The following SCAP variants were observed in gnomAD, a reference collection of about 807,000 sequenced individuals.
The protein encoded by SCAP is SREBF chaperone.
Under a neutral mutation model 123.6 loss-of-function variants are expected in SCAP, and 65 were observed. That is an observed-to-expected ratio of 0.53 (90% CI 0.43 to 0.65). SCAP has a LOEUF of 0.65. Among genes scored for constraint, SCAP ranks in the 30% least tolerant of loss-of-function variants. The pLI, the probability that SCAP is intolerant of heterozygous loss-of-function variation, is 0.00. For missense variants in SCAP, 1,398 were observed against 1,712.5 expected (o/e 0.82, Z 3.24); for synonymous variants, 740 against 726.3 (o/e 1.02, Z -0.30).
chr3:47,442,916 G>A lies in SCAP; in HGVS notation c.78C>T (p.Pro26=), dbSNP rs962070423. The A allele has an allele frequency of 5.0e-6, 8 of 1,614,034 alleles. No homozygotes were observed. In the Admixed American group the frequency reaches 8.3e-5, roughly 17 times the overall value. ...YNHGLLCASY[P]IPIILFTGFC... ...ACCCTGTGAAGAGGATGATGGGGATGGGATAGGATGCACAGAGGAGCCCAT... is the reference window on the plus strand; with the variant it reads ...ACCCTGTGAAGAGGATGATGGGGATAGGATAGGATGCACAGAGGAGCCCAT... Residue 26 remains proline (P), a synonymous_variant, in exon 2 of 23, where the codon CCC becomes CCT. Coordinates refer to ENST00000265565, the MANE Select transcript of SCAP (RefSeq NM_012235.4).
chr3:47,428,585 T>C lies in SCAP; in HGVS notation c.338A>G (p.Asp113Gly). ...FPWHKNLLAV[D>G]VFRSPLSRAF... ...CCGGGACAAAGGTGAACGAAATACA[T>C]CTACTGCCAGGAGGTTCTTGTGCCA... is the stretch of plus-strand genomic sequence containing the variant. The change falls in exon 4 of 23, where the codon GAT (aspartate) becomes GGT (glycine). Residue 113 changes from aspartate (D) to glycine (G), a missense_variant. Asp to Gly is a moderately conservative substitution (Grantham distance 94, BLOSUM62 -1). This residue lies in a region of SCAP where 319 missense variants were observed against 432.4 expected (regional missense o/e 0.74). Transcript: ENST00000265565. 2 of 1,614,078 alleles carry C rather than the reference T, an allele frequency of 1.2e-6. No individual in the cohort carries two copies. Among genetic ancestry groups the C allele is most frequent in the Non-Finnish European group, 1.7e-6 (2 of 1,180,010 alleles).
Position 47,442,998 on chromosome 3 carries a change from A to G in SCAP, c.-5T>C. The G allele has an allele frequency of 6.2e-7, 1 of 1,613,496 alleles. No individual in the cohort carries two copies. Among genetic ancestry groups the G allele is most frequent in the Non-Finnish European group, 8.5e-7 (1 of 1,180,016 alleles). On this transcript the variant is annotated 5_prime_UTR_variant, in exon 2 of 23. Coordinates refer to ENST00000265565, the MANE Select transcript of SCAP (RefSeq NM_012235.4). ...CAGCCTTTCAGTCAGGGTCATCCTCAGCCGAAGTCACCTTGCTGCCATCCC... is the reference window on the plus strand; with the variant it reads ...CAGCCTTTCAGTCAGGGTCATCCTCGGCCGAAGTCACCTTGCTGCCATCCC...
At chr3:47,456,395 C>T (rs1451937648) in intron 1 of SCAP, among the ~76,000 whole-genome samples, 1 of 151,798 alleles carries the variant, frequency 6.6e-6, no homozygotes, top group Non-Finnish European at 1.5e-5. Flanking sequence ...AGAATAAGAC[C>T]CTGCCTCAAC....
Position 47,418,162 on chromosome 3 carries a change from C to T in SCAP, c.2419G>A (p.Asp807Asn). Reference sequence around the variant, plus strand: ...GGGCGCGGAATGCGCGTTAGGCAATCCCCGGTCTGCGCGTCCCACACGCAG... The same window carrying T: ...GGGCGCGGAATGCGCGTTAGGCAATTCCCGGTCTGCGCGTCCCACACGCAG... Reference protein sequence around the residue: ...HVCVWDAQTGDCLTRIPRPGR... With the variant: ...HVCVWDAQTGNCLTRIPRPGR... The change falls in exon 16 of 23, where the codon GAT (aspartate) becomes AAT (asparagine). Residue 807 changes from aspartate to asparagine, a missense_variant. Asp to Asn is a conservative substitution (Grantham distance 23, BLOSUM62 1). Transcript: ENST00000265565. The T allele has an allele frequency of 6.4e-7, 1 of 1,570,574 alleles. No individual in the cohort carries two copies. The highest frequency in any genetic ancestry group is 8.6e-7 in the Non-Finnish European group (1 of 1,158,572).
intron 18 of SCAP, 119 bp downstream of exon 18, chr3:47,417,000 CAAG>C (rs1440220043): frequency 1.9e-5 from 16 of 832,934 alleles, no homozygotes; most frequent in Non-Finnish European, 2.7e-5. Flanking sequence ...AGCTGGGCAC[CAAG>C]AAGGTCAATC....
chr3:47,463,177 G>T (rs148798865), intron 1 of SCAP, among the ~76,000 whole-genome samples: 2 of 152,124 alleles, frequency 1.3e-5, no homozygotes, highest in Non-Finnish European at 2.9e-5. Flanking sequence ...TTATTCCTCC[G>T]GCGGAAAGTT....
At position 47,418,202 on chromosome 3, in the gene SCAP, G is replaced by A; in HGVS notation, c.2379C>T (p.Cys793=). ...CCCACACGCAGACGTGGCCTGCCAGGCAGCAGCTCACCAGCAGCATGCCGT... is the reference window on the plus strand; with the variant it reads ...CCCACACGCAGACGTGGCCTGCCAGACAGCAGCTCACCAGCAGCATGCCGT... The part of the protein sequence containing the change: ...ASDGMLLVSC[C]LAGHVCVWDA... Residue 793 remains cysteine (C), a synonymous_variant, in exon 16 of 23, where the codon TGC becomes TGT. Transcript: ENST00000265565. The A allele has an allele frequency of 6.3e-7, 1 of 1,575,428 alleles. No homozygotes were observed. The highest frequency in any genetic ancestry group is 1.7e-4 in the Middle Eastern group (1 of 6,022).
chr3:47,422,949 G>A (rs996603876), intron 9 of SCAP, among the ~76,000 whole-genome samples: 9 of 152,176 alleles, frequency 5.9e-5, no homozygotes, highest in African/African-American at 2.4e-5. Flanking sequence ...AGCACTCGGC[G>A]GGTAGAGGAC....
intron 3 of SCAP, among the ~76,000 whole-genome samples, chr3:47,430,670 A>C (rs1328960486): frequency 6.6e-6 from 1 of 152,200 alleles, no homozygotes; most frequent in East Asian, 1.9e-4. Flanking sequence ...TCTGAGGTGA[A>C]GGGGCAACCT....
intron 3 of SCAP, among the ~76,000 whole-genome samples, chr3:47,431,511 G>C (rs1388456586): frequency 6.6e-6 from 1 of 152,002 alleles, no homozygotes; most frequent in African/African-American, 2.4e-5. Flanking sequence ...AGTGTCTGAG[G>C]CTTCTTGTAG....
Position 47,425,480 on chromosome 3 carries a change from C to T in SCAP, c.1037+5G>A. On this transcript the variant is annotated splice_donor_5th_base_variant and intron_variant, in intron 8 of 22. Transcript: ENST00000265565. ...GTGGCCCAGTGGAGCCTGCTAGGGA[C>T]CTACCCGCCATTGAGGGTGGGCGTC... 6.2e-7 allele frequency: 1 copy of T among 1,613,262 alleles called. No homozygotes were observed. The highest frequency in any genetic ancestry group is 8.5e-7 in the Non-Finnish European group (1 of 1,179,904).
intron 22 of SCAP, 22 bp downstream of exon 22, chr3:47,414,158 C>T (rs777780298): frequency 1.2e-6 from 2 of 1,613,676 alleles, no homozygotes; most frequent in South Asian, 1.1e-5. Flanking sequence ...CCCAAGAATC[C>T]TATGATCCCC....
intron 2 of SCAP, among the ~76,000 whole-genome samples, chr3:47,436,839 T>C (rs911829120): frequency 2.6e-5 from 4 of 152,204 alleles, no homozygotes; most frequent in African/African-American, 9.6e-5. Context: ...GAAGGCAGCC[T>C]TGTGCCCACT....
chr3:47,417,062 A>T, intron 18 of SCAP, 60 bp downstream of exon 18: 2 of 1,465,512 alleles, frequency 1.4e-6, no homozygotes, highest in South Asian at 2.3e-5. Context: ...AAGACTCAAG[A>T]GAGTATGGCC....
rs1359174629 is a variant in SCAP at position 47,420,677 on chromosome 3, C to T, written c.1440G>A (p.Val480=). ...TGATGGTGTGGGGTGTGGACGGCCTCACAGCCAGCTGCCGCTCGTAGCGCG... is the reference window on the plus strand; with the variant it reads ...TGATGGTGTGGGGTGTGGACGGCCTTACAGCCAGCTGCCGCTCGTAGCGCG... ...QPTRYERQLA[V]RPSTPHTITL... Residue 480 remains valine (V), a synonymous_variant, in exon 12 of 23, where the codon GTG becomes GTA. Transcript: ENST00000265565. This position sits in a 1 kb window ranked among gnomAD's most constrained non-coding sequence, Gnocchi z 5.0. 6.2e-7 allele frequency: 1 copy of T among 1,611,710 alleles called. No homozygotes were observed. The highest frequency in any genetic ancestry group is 8.5e-7 in the Non-Finnish European group (1 of 1,179,940).
upstream of SCAP, chr3:47,477,070 G>A (rs1363495849): frequency 2.0e-5 from 3 of 152,178 alleles, no homozygotes; most frequent in Non-Finnish European, 2.9e-5. Context: ...ACCAGCCCCC[G>A]ACCCACTACA....
chr3:47,475,016 T>G (rs1431153886), intron 1 of SCAP, among the ~76,000 whole-genome samples: 1 of 152,190 alleles, frequency 6.6e-6, no homozygotes, highest in Non-Finnish European at 1.5e-5. Context: ...ACATTAAACC[T>G]TTTCTATGGC....
chr3:47,443,023 C>G lies in SCAP; in HGVS notation c.-30G>C. 6.2e-7 allele frequency: 1 copy of G among 1,612,412 alleles called. No individual in the cohort carries two copies. The highest frequency in any genetic ancestry group is 8.5e-7 in the Non-Finnish European group (1 of 1,179,822). On this transcript the variant is annotated 5_prime_UTR_variant, in exon 2 of 23. Transcript: ENST00000265565. ...AGCCGAAGTCACCTTGCTGCCATCC[C>G]GGAAAGTGACCATGGATCACCCTGG...
Position 47,473,080 on chromosome 3 carries a change from CAA to C in SCAP, c.-99+2717_-99+2718del, listed in dbSNP as rs34472664. The stretch of plus-strand genomic sequence containing the variant: ...GGGCAAGAAGAGCGAAACTCCATCT[CAA>C]AAAAAAAAAAAAAAAAACAGACTGT... On this transcript the variant is annotated intron_variant, in intron 1 of 22. Transcript: ENST00000265565. Among the ~76,000 whole-genome samples, 11 of 38,056 alleles carry C rather than the reference CAA, an allele frequency of 2.9e-4. 1 individual carries two copies. Among genetic ancestry groups the C allele is most frequent in the South Asian group, 1.5e-3 (1 of 662 alleles). The allele number at this position is 38,056 out of a possible 152,430, so 25.0% of individuals were successfully genotyped here.
Sources: allele counts gnomAD v4.1 joint callset (sites outside exome capture counted in the v4.1 genomes callset), GRCh38; gene constraint gnomAD v4.1.1; regional missense constraint gnomAD v4.1.1; non-coding constraint Gnocchi (gnomAD v3.1); transcripts MANE v1.5; gene names NCBI Gene and HGNC (gene_info 2026-07-23, HGNC 2026-07-21).